Variants in ATRNL1 observed in about 807,000 individuals in gnomAD.
ATRNL1 encodes attractin-like protein 1.
Under a neutral mutation model 182.7 loss-of-function variants are expected in ATRNL1, and 95 were observed. The ratio of observed to expected loss-of-function variants is 0.52; its 90% CI spans 0.44 to 0.62. ATRNL1 has a LOEUF of 0.62. Ranked by LOEUF, ATRNL1 falls within the 20% of genes least tolerant of loss-of-function variation. The pLI is 0.00. For missense variants in ATRNL1, 1,471 were observed against 1,679.5 expected (o/e 0.88, Z 2.17); for synonymous variants, 576 against 568.3 (o/e 1.01, Z -0.19).
intron 8 of ATRNL1, among the ~76,000 whole-genome samples, chr10:115,184,730 AAG>A (rs1404845433): frequency 6.6e-6 from 1 of 151,930 alleles, no homozygotes; most frequent in Non-Finnish European, 1.5e-5. Context: ...TTAAATAAAA[AAG>A]GAAAGGAAGA....
intron 13 of ATRNL1, among the ~76,000 whole-genome samples, chr10:115,269,273 T>C (rs1851738297): frequency 6.6e-6 from 1 of 152,198 alleles, no homozygotes; most frequent in Non-Finnish European, 1.5e-5. Flanking sequence ...ATGTAGAAGA[T>C]ATCAACAAAT....
chr10:115,096,247 G>A (rs2085007917), intron 1 of ATRNL1, among the ~76,000 whole-genome samples: 1 of 152,062 alleles, frequency 6.6e-6, no homozygotes, highest in Non-Finnish European at 1.5e-5. Flanking sequence ...TTTCTCTGTG[G>A]AATACAAGCT....
At chr10:115,920,247 C>G in intron 28 of ATRNL1, among the ~76,000 whole-genome samples, 1 of 152,174 alleles carries the variant, frequency 6.6e-6, no homozygotes, top group South Asian at 2.1e-4. Flanking sequence ...TTTTCACCTT[C>G]ACGGATATCC....
rs537688514 is a variant in ATRNL1 at position 115,701,100 on chromosome 10, A to G, written c.3796-26148A>G. 1.5e-4 allele frequency among the ~76,000 whole-genome samples: 23 copies of G among 152,192 alleles called. No individual in the cohort carries two copies. The East Asian group carries it at 4.3e-3, about 28-fold the overall frequency. ...AATTTTTGAAATTGAAAATATAACA[A>G]CCATACCCTCAATCCACATTGGAAT... On this transcript the variant is annotated intron_variant, in intron 26 of 28. Coordinates refer to ENST00000355044, the MANE Select transcript of ATRNL1 (RefSeq NM_207303.4).
At chr10:115,497,249 A>C (rs540435294) in intron 24 of ATRNL1, among the ~76,000 whole-genome samples, 3 of 152,238 alleles carry the variant, frequency 2.0e-5, no homozygotes, top group Non-Finnish European at 4.4e-5. Flanking sequence ...CATTTTATCT[A>C]TCGGCTCCTG....
At chr10:115,482,475 C>A (rs1266457117) in intron 24 of ATRNL1, among the ~76,000 whole-genome samples, 1 of 150,828 alleles carries the variant, frequency 6.6e-6, no homozygotes, top group Non-Finnish European at 1.5e-5. Flanking sequence ...AAAAATGCTT[C>A]TTTTATTAAT....
intron 26 of ATRNL1, among the ~76,000 whole-genome samples, chr10:115,572,144 A>G (rs1854429633): frequency 6.6e-6 from 1 of 152,160 alleles, no homozygotes; most frequent in Admixed American, 6.6e-5. Context: ...ATATTACTCT[A>G]AATATATTAC....
intron 25 of ATRNL1, among the ~76,000 whole-genome samples, chr10:115,524,818 C>G (rs1203952038): frequency 6.6e-6 from 1 of 152,130 alleles, no homozygotes; most frequent in Admixed American, 6.5e-5. Context: ...TGCCCCCACC[C>G]CATGAACACC....
At chr10:115,423,525 C>T (rs913682198) in intron 20 of ATRNL1, among the ~76,000 whole-genome samples, 5 of 152,032 alleles carry the variant, frequency 3.3e-5, no homozygotes, top group African/African-American at 1.2e-4. Flanking sequence ...GAGACTGTGT[C>T]TCAGAAACAA....
At chr10:115,760,674 G>T (rs898161437) in intron 27 of ATRNL1, among the ~76,000 whole-genome samples, 3 of 152,104 alleles carry the variant, frequency 2.0e-5, no homozygotes, top group Non-Finnish European at 4.4e-5. Context: ...TATTAGCTAT[G>T]AATAAAAAAT....
chr10:115,765,982 C>A (rs1043899370), intron 27 of ATRNL1, among the ~76,000 whole-genome samples: 3 of 151,932 alleles, frequency 2.0e-5, no homozygotes, highest in African/African-American at 7.3e-5. Flanking sequence ...CTTTCCCCCC[C>A]CCGGCTCACT....
chr10:115,239,421 A>G (rs1168581075), intron 9 of ATRNL1, among the ~76,000 whole-genome samples: 2 of 151,860 alleles, frequency 1.3e-5, no homozygotes, highest in Non-Finnish European at 2.9e-5. Context: ...TTTAGTAGAG[A>G]TGGGGTTTCA....
intron 25 of ATRNL1, among the ~76,000 whole-genome samples, chr10:115,537,782 A>G (rs1185770890): frequency 2.6e-5 from 4 of 151,996 alleles, no homozygotes; most frequent in African/African-American, 9.7e-5. Flanking sequence ...CAGTTGTGTG[A>G]GTTTTAACAC....
chr10:115,297,421 C>G (rs1853251642), intron 15 of ATRNL1, among the ~76,000 whole-genome samples: 1 of 151,834 alleles, frequency 6.6e-6, no homozygotes, highest in Non-Finnish European at 1.5e-5. Flanking sequence ...GCAGGCCGAT[C>G]ACAAGGTCAG....
At chr10:115,774,114 G>GC (rs1949060350) in intron 27 of ATRNL1, among the ~76,000 whole-genome samples, 1 of 152,026 alleles carries the variant, frequency 6.6e-6, no homozygotes, top group African/African-American at 2.4e-5. Context: ...AATTTCCCCA[G>GC]CCCCAGGTGT....
At chr10:115,741,415 G>A (rs1401827271) in intron 27 of ATRNL1, among the ~76,000 whole-genome samples, 1 of 152,142 alleles carries the variant, frequency 6.6e-6, no homozygotes, top group African/African-American at 2.4e-5. Flanking sequence ...ACAGAAAACA[G>A]GGTGGTATGT....
At chr10:115,888,837 G>A (rs1952013371) in intron 28 of ATRNL1, among the ~76,000 whole-genome samples, 1 of 152,184 alleles carries the variant, frequency 6.6e-6, no homozygotes, top group South Asian at 2.1e-4. Flanking sequence ...CAGCCACAAA[G>A]CATGGAGAGG....
Position 115,738,125 on chromosome 10 carries a change from G to GTTTT in ATRNL1, c.3903+10770_3903+10771insTTTT, listed in dbSNP as rs1565334914. Among the ~76,000 whole-genome samples the GTTTT allele has an allele frequency of 8.8e-4, 47 of 53,186 alleles. 7 individuals are homozygous for GTTTT. Among genetic ancestry groups the GTTTT allele is most frequent in the Middle Eastern group, 0.029 (2 of 68 alleles). 34.9% of individuals were successfully genotyped at this position (53,186 alleles called of 152,430 possible). A position where few individuals can be genotyped will look rare whatever the true frequency, so the allele number is the denominator to read the frequency against. On this transcript the variant is annotated intron_variant, in intron 27 of 28. Transcript: ENST00000355044. ...CATAAAAAATGATTTAGAAGATAAT[G>GTTTT]ATTTTTTTTTTTTTTTTTTTTTTTT...
chr10:115,353,645 T>C (rs1447068844), intron 19 of ATRNL1, among the ~76,000 whole-genome samples: 2 of 152,200 alleles, frequency 1.3e-5, no homozygotes, highest in African/African-American at 4.8e-5. Flanking sequence ...TTCTCTTCCT[T>C]TCTTCCTCTC....
Sources: gnomAD v4.1 joint callset for allele counts (sites outside exome capture counted in the v4.1 genomes callset) on GRCh38, gnomAD v4.1.1 for gene constraint, MANE v1.5 for transcripts, NCBI Gene and HGNC (gene_info 2026-07-23, HGNC 2026-07-21) for gene names.